Variants in TDRP observed in about 807,000 individuals in gnomAD.
TDRP encodes testis development related protein.
Under a neutral mutation model 10.5 loss-of-function variants are expected in TDRP, and 12 were observed. The observed-to-expected ratio is 1.15, with a 90% confidence interval of 0.73 to 1.86. TDRP has a LOEUF of 1.86. TDRP is among the 40% of genes most tolerant of loss of function. The probability of loss-of-function intolerance (pLI) is 0.00; values close to 1 mark genes in which losing one functional copy is unlikely to be tolerated. For missense variants in TDRP, 353 were observed against 229.2 expected, an observed-to-expected ratio of 1.54 and a Z score of -3.49; for synonymous variants, 139 against 95.4, an observed-to-expected ratio of 1.46 and a Z score of -2.67.
chr8:501,553 G>C (rs1285163429), intron 1 of TDRP, among the ~76,000 whole-genome samples: 2 of 152,044 alleles, frequency 1.3e-5, no homozygotes, highest in African/African-American at 4.8e-5. Context: ...CACTATGTTG[G>C]CCCGGCTGGT....
intron 1 of TDRP, among the ~76,000 whole-genome samples, chr8:523,336 G>C (rs1336335851): frequency 2.6e-5 from 4 of 152,108 alleles, no homozygotes; most frequent in African/African-American, 9.7e-5. Context: ...GGGGGGAATG[G>C]AGGTGGAGTA....
Position 492,394 on chromosome 8 carries a change from C to A in TDRP, c.*5G>T, listed in dbSNP as rs1010626455. On this transcript the variant is annotated 3_prime_UTR_variant, in exon 3 of 3. Transcript: ENST00000324079. The stretch of plus-strand genomic sequence containing the variant: ...TGTCGGGGCACACTTGCCACGCAGC[C>A]CCCCTCACTCCGCCTCCTCCGGGCT... The A allele has an allele frequency of 2.0e-6, 3 of 1,512,658 alleles. No individual in the cohort carries two copies. The highest frequency in any genetic ancestry group is 2.7e-5 in the South Asian group (2 of 73,234). The allele number at this position is 1,512,658 out of a possible 1,614,324, so 93.7% of individuals were successfully genotyped here.
At chr8:514,714 T>A (rs538344244) in intron 1 of TDRP, among the ~76,000 whole-genome samples, 76 of 152,242 alleles carry the variant, frequency 5.0e-4, no homozygotes, top group African/African-American at 1.8e-3. Context: ...ATGCAGCCTT[T>A]CCCTGGGACA....
chr8:492,434 C>A lies in TDRP; in HGVS notation c.523G>T (p.Gly175Cys). Reference protein sequence around the residue: ...RLVSIRRQSKGHLTDSPEEAE With the variant: ...RLVSIRRQSKCHLTDSPEEAE ...TCCTCCGGGCTATCTGTCAGGTGGC[C>A]TTTACTCTGCCGTCGGATGCTCACC... The change falls in exon 3 of 3, where the codon GGC becomes TGC. Residue 175 changes from glycine to cysteine, a missense_variant. Physicochemically the swap from Gly to Cys is radical, Grantham distance 159 (BLOSUM62 -3). Transcript: ENST00000324079. 1.3e-6 allele frequency: 2 copies of A among 1,582,768 alleles called. No individual in the cohort carries two copies. Among genetic ancestry groups the A allele is most frequent in the Admixed American group, 1.7e-5 (1 of 57,524 alleles).
Position 490,917 on chromosome 8 carries a change from G to C in TDRP, c.*1482C>G, listed in dbSNP as rs545942724. The stretch of plus-strand genomic sequence containing the variant: ...TAGATGATTGACAGAAGGCTAGATG[G>C]ATGTAGACTGAGAGAAGACAGACAT... On this transcript the variant is annotated 3_prime_UTR_variant, in exon 3 of 3. Coordinates refer to ENST00000324079, the MANE Select transcript of TDRP (RefSeq NM_001384899.1). 6.6e-6 allele frequency: 1 copy of C among 152,196 alleles called. No homozygotes were observed. The highest frequency in any genetic ancestry group is 1.5e-5 in the Non-Finnish European group (1 of 68,042). 9.4% of individuals were successfully genotyped at this position (152,196 alleles called of 1,614,324 possible).
intron 1 of TDRP, among the ~76,000 whole-genome samples, chr8:495,752 A>G (rs1801110720): frequency 6.6e-6 from 1 of 152,240 alleles, no homozygotes; most frequent in African/African-American, 2.4e-5. Flanking sequence ...CTGATCCGAG[A>G]CAAGGATAAT....
intron 1 of TDRP, among the ~76,000 whole-genome samples, chr8:525,685 C>T (rs1032222815): frequency 2.6e-5 from 4 of 151,742 alleles, no homozygotes; most frequent in African/African-American, 9.7e-5. Flanking sequence ...AAAAAACATA[C>T]AATGGATACA....
At chr8:514,884 G>A (rs935286392) in intron 1 of TDRP, among the ~76,000 whole-genome samples, 92 of 152,164 alleles carry the variant, frequency 6.0e-4, no homozygotes, top group Non-Finnish European at 2.4e-4. Flanking sequence ...TTTCTTTCAC[G>A]GGGAGGGCTA....
chr8:527,977 C>A (rs1385797251), intron 1 of TDRP, among the ~76,000 whole-genome samples: 2 of 152,060 alleles, frequency 1.3e-5, no homozygotes, highest in Non-Finnish European at 2.9e-5. Context: ...AGGCAACACA[C>A]AGAATGGGAA....
chr8:521,293 T>C (rs1229787589), intron 1 of TDRP, among the ~76,000 whole-genome samples: 2 of 148,776 alleles, frequency 1.3e-5, no homozygotes, highest in South Asian at 2.1e-4. Flanking sequence ...GGTGGGCGCC[T>C]GTAGTCCCAG....
At chr8:525,328 G>C (rs996988513) in intron 1 of TDRP, among the ~76,000 whole-genome samples, 2 of 152,116 alleles carry the variant, frequency 1.3e-5, no homozygotes, top group Non-Finnish European at 2.9e-5. Context: ...TCTTCAATTT[G>C]AAAGAAAAGG....
At chr8:510,956 T>C in intron 1 of TDRP, among the ~76,000 whole-genome samples, 1 of 152,060 alleles carries the variant, frequency 6.6e-6, no homozygotes, top group East Asian at 1.9e-4. Context: ...CCACAAAAGA[T>C]GAGGGTAGAA....
intron 1 of TDRP, among the ~76,000 whole-genome samples, chr8:525,518 A>T (rs1802011786): frequency 6.6e-6 from 1 of 152,220 alleles, no homozygotes. Flanking sequence ...ATACAATAAG[A>T]TATACATGGA....
intron 1 of TDRP, among the ~76,000 whole-genome samples, chr8:509,075 G>C (rs1044300151): frequency 2.6e-5 from 4 of 152,254 alleles, no homozygotes; most frequent in Admixed American, 6.5e-5. Context: ...TGATGCAAGA[G>C]ATGGGCTCCT....
At chr8:542,542 TC>T (rs942749076) in intron 1 of TDRP, among the ~76,000 whole-genome samples, 14 of 151,576 alleles carry the variant, frequency 9.2e-5, no homozygotes, top group Non-Finnish European at 1.8e-4. Context: ...TAAAGTTTTT[TC>T]CCCCCAAAAC....
At position 544,740 on chromosome 8, in the gene TDRP, C is replaced by T; in HGVS notation, c.18G>A (p.Arg6=). 8.1e-7 allele frequency: 1 copy of T among 1,240,250 alleles called. No individual in the cohort carries two copies. Among genetic ancestry groups the T allele is most frequent in the Non-Finnish European group, 1.0e-6 (1 of 990,602 alleles). 76.8% of individuals were successfully genotyped at this position (1,240,250 alleles called of 1,614,324 possible). ...GGGGCTCGTCCAGCAGCACTCGGCC[C>T]CGGCCCAGCTTCCACATGGTCAGGC... The part of the protein sequence containing the change: MWKLG[R]GRVLLDEPPE... Residue 6 remains arginine (R), a synonymous_variant, in exon 1 of 3, where the codon CGG becomes CGA. Transcript: ENST00000324079.
At chr8:503,238 G>C (rs554777624) in intron 1 of TDRP, among the ~76,000 whole-genome samples, 1 of 149,368 alleles carries the variant, frequency 6.7e-6, no homozygotes, top group Non-Finnish European at 1.5e-5. Flanking sequence ...GCCCACCTCA[G>C]CACACACCAA....
At chr8:493,451 G>T (rs1447142620) in intron 2 of TDRP, among the ~76,000 whole-genome samples, 1 of 152,232 alleles carries the variant, frequency 6.6e-6, no homozygotes, top group Non-Finnish European at 1.5e-5. Context: ...AGAGCACGAA[G>T]GGCCATGTGT....
At chr8:517,431 C>T (rs1284824135) in intron 1 of TDRP, among the ~76,000 whole-genome samples, 1 of 152,172 alleles carries the variant, frequency 6.6e-6, no homozygotes, top group Non-Finnish European at 1.5e-5. Flanking sequence ...CATTTACCAT[C>T]TATTCTCTCT....
Sources: allele counts gnomAD v4.1 joint callset (sites outside exome capture counted in the v4.1 genomes callset), GRCh38; gene constraint gnomAD v4.1.1; transcripts MANE v1.5; gene names NCBI Gene and HGNC (gene_info 2026-07-23, HGNC 2026-07-21).